Variants in MED13 observed in about 807,000 individuals in gnomAD.
The protein encoded by MED13 is mediator of RNA polymerase II transcription subunit 13.
In MED13, 23 loss-of-function variants were observed where a neutral mutation model predicts 225.2. The observed-to-expected ratio is 0.10, with a 90% CI of 0.07 to 0.14. The LOEUF (loss-of-function observed/expected upper bound fraction) is 0.14, where lower values mean the gene tolerates loss of function less well. Ranked by LOEUF, MED13 falls within the 10% of genes least tolerant of loss-of-function variation. The probability of loss-of-function intolerance (pLI) is 1.00; values close to 1 mark genes in which losing one functional copy is unlikely to be tolerated. For missense variants in MED13, 2,197 were observed against 2,594.5 expected (o/e 0.85, Z 3.33); for synonymous variants, 942 against 889.2 (o/e 1.06, Z -1.06).
intron 7 of MED13, 99 bp from the exon 8 acceptor site, chr17:62,029,750 T>C (rs2080736895): frequency 6.6e-7 from 1 of 1,506,974 alleles, no homozygotes. Flanking sequence ...CATTATGAGT[T>C]AAAGAAAAAT....
chr17:62,030,177 T>C (rs1434377564), intron 6 of MED13, 164 bp from the exon 7 acceptor site: 2 of 645,736 alleles, frequency 3.1e-6, no homozygotes, highest in Admixed American at 7.1e-5. Context: ...CCAGATCTCA[T>C]TAGGCAAATG....
intron 8 of MED13, among the ~76,000 whole-genome samples, chr17:62,012,937 C>G (rs374999546): frequency 5.5e-4 from 84 of 152,062 alleles, no homozygotes; most frequent in African/African-American, 2.0e-3. Flanking sequence ...GAACTACAGG[C>G]GTGCACCACC....
intron 4 of MED13, 85 bp from the exon 5 acceptor site, chr17:62,034,069 G>A (rs879298722): frequency 2.5e-5 from 30 of 1,182,132 alleles, no homozygotes; most frequent in African/African-American, 7.8e-5. Context: ...GCAAATAATC[G>A]TGCAATTATA....
chr17:61,991,921 C>T (rs991757397), intron 11 of MED13, among the ~76,000 whole-genome samples: 10 of 152,174 alleles, frequency 6.6e-5, no homozygotes, highest in African/African-American at 2.4e-4. Context: ...GCTGGGATTA[C>T]GGGCGTGAGC....
chr17:62,047,192 G>A (rs1187019548), intron 3 of MED13, among the ~76,000 whole-genome samples: 1 of 152,062 alleles, frequency 6.6e-6, no homozygotes, highest in Non-Finnish European at 1.5e-5. Context: ...CTAACATGGT[G>A]AAACCCCGTC....
chr17:62,034,058 G>A (rs1175651975), intron 4 of MED13, 74 bp from the exon 5 acceptor site: 3 of 1,307,192 alleles, frequency 2.3e-6, no homozygotes, highest in South Asian at 2.7e-5. Flanking sequence ...TGAAAAATGT[G>A]GCAAATAATC....
chr17:62,005,003 G>A (rs1279699713), intron 9 of MED13: 1 of 150,014 alleles, frequency 6.7e-6, no homozygotes, highest in East Asian at 2.0e-4. Flanking sequence ...TTGTTCAAAC[G>A]ATTCTCCTTA....
chr17:62,058,377 C>T (rs2081011353), intron 2 of MED13, among the ~76,000 whole-genome samples: 1 of 151,838 alleles, frequency 6.6e-6, no homozygotes, highest in Non-Finnish European at 1.5e-5. Context: ...AAAAATTAGC[C>T]AGGCGTGATG....
intron 9 of MED13, chr17:62,006,043 T>C (rs1200178146): frequency 6.6e-6 from 1 of 152,126 alleles, no homozygotes; most frequent in Non-Finnish European, 1.5e-5. Context: ...AGGCTATAAA[T>C]GGACCAGATG....
chr17:62,053,894 T>G lies in MED13; in HGVS notation c.302-1189A>C, dbSNP rs563547267. 1.5e-4 allele frequency among the ~76,000 whole-genome samples: 23 copies of G among 152,338 alleles called. No individual in the cohort carries two copies. The South Asian group carries it at 4.4e-3, about 29-fold the overall frequency. ...AAACATTAACTAAAAAGTATGATAGTGGACTTTAACTGCACTAGAAATTCT... is the reference window on the plus strand; with the variant it reads ...AAACATTAACTAAAAAGTATGATAGGGGACTTTAACTGCACTAGAAATTCT... On this transcript the variant is annotated intron_variant, in intron 2 of 29. Coordinates refer to ENST00000397786, the MANE Select transcript of MED13 (RefSeq NM_005121.3).
At position 61,946,207 on chromosome 17, in the gene MED13, A is replaced by G. The variant is rs1052337533; in HGVS notation, c.*261T>C. ...TACTTTTCACAAATACTGTGACTGG[A>G]AAAAAAAAAGGTTAATTTTGCTACG... On this transcript the variant is annotated 3_prime_UTR_variant, in exon 30 of 30. Coordinates refer to ENST00000397786, the MANE Select transcript of MED13 (RefSeq NM_005121.3). 9 of 244,666 alleles carry G rather than the reference A, an allele frequency of 3.7e-5. No homozygotes were observed. The highest frequency in any genetic ancestry group is 1.6e-4 in the African/African-American group (7 of 43,560). The allele number at this position is 244,666 out of a possible 1,614,324, so 15.2% of individuals were successfully genotyped here.
At chr17:62,011,512 T>C (rs759511183) in intron 8 of MED13, among the ~76,000 whole-genome samples, 8 of 152,202 alleles carry the variant, frequency 5.3e-5, no homozygotes, top group Non-Finnish European at 4.4e-5. Flanking sequence ...GATTTAAATA[T>C]TTTAGTATCT....
chr17:61,966,907 G>GA (rs1248360290), intron 18 of MED13, among the ~76,000 whole-genome samples: 1 of 151,670 alleles, frequency 6.6e-6, no homozygotes, highest in African/African-American at 2.4e-5. Context: ...TATCTCTAAT[G>GA]AAAAAACACC....
chr17:61,947,794 C>G (rs940071126), intron 28 of MED13, among the ~76,000 whole-genome samples: 1 of 152,154 alleles, frequency 6.6e-6, no homozygotes, highest in Non-Finnish European at 1.5e-5. Context: ...CTACTCCACA[C>G]TCCAATTAAA....
chr17:61,967,365 T>A (rs2080067917), intron 18 of MED13, among the ~76,000 whole-genome samples: 1 of 152,204 alleles, frequency 6.6e-6, no homozygotes, highest in Non-Finnish European at 1.5e-5. Flanking sequence ...GTTTATTTAT[T>A]AAAAACACAC....
At chr17:62,020,244 TGAA>T (rs1296395651) in intron 8 of MED13, among the ~76,000 whole-genome samples, 1 of 151,654 alleles carries the variant, frequency 6.6e-6, no homozygotes, top group East Asian at 1.9e-4. Context: ...TTTTTTTTTA[TGAA>T]GATTAAAGAA....
In MED13 at chr17:62,029,654, A is replaced by G. The variant is rs780337293; in HGVS notation, c.1173-3T>C. The stretch of plus-strand genomic sequence containing the variant: ...CTGATGAAGCAGAATACTTCCTCCT[A>G]AGATTTAAAGTTACAAAATTCTTTA... On this transcript the variant is annotated splice_region_variant and splice_polypyrimidine_tract_variant and intron_variant, in intron 7 of 29. Transcript: ENST00000397786. 6.2e-7 allele frequency: 1 copy of G among 1,603,358 alleles called. No individual in the cohort carries two copies. Among genetic ancestry groups the G allele is most frequent in the Non-Finnish European group, 8.5e-7 (1 of 1,174,178 alleles).
intron 2 of MED13, among the ~76,000 whole-genome samples, chr17:62,059,705 A>G (rs1194003582): frequency 6.6e-6 from 1 of 152,198 alleles, no homozygotes; most frequent in Non-Finnish European, 1.5e-5. Context: ...GAGGCAGACT[A>G]ATTACCCCAA....
At chr17:61,992,848 C>CA (rs11375628) in intron 10 of MED13, among the ~76,000 whole-genome samples, 152,258 of 152,258 alleles carry the variant, frequency 1, 76,129 homozygotes, top group Non-Finnish European at 1. Flanking sequence ...GGCTCACTTG[C>CA]ACCTCTGCCT....
Sources: gnomAD v4.1 joint callset for allele counts (sites outside exome capture counted in the v4.1 genomes callset) on GRCh38, gnomAD v4.1.1 for gene constraint, MANE v1.5 for transcripts, NCBI Gene and HGNC (gene_info 2026-07-23, HGNC 2026-07-21) for gene names.